DGKB: variants seen among roughly 807,000 people sequenced by gnomAD.
The protein encoded by DGKB is diacylglycerol kinase beta.
A neutral mutation model predicts 114.3 loss-of-function variants in DGKB; 67 were observed. The observed-to-expected ratio is 0.59, with a 90% CI of 0.48 to 0.72. DGKB has a LOEUF of 0.72. Among genes scored for constraint, DGKB ranks in the 30% least tolerant of loss-of-function variants. DGKB has a pLI of 0.00. For missense variants in DGKB, 907 were observed against 975.2 expected (o/e 0.93, Z 0.93); for synonymous variants, 398 against 323.1 (o/e 1.23, Z -2.49).
intron 1 of DGKB, among the ~76,000 whole-genome samples, chr7:14,961,379 A>G (rs1293055178): frequency 3.3e-5 from 5 of 152,068 alleles, no homozygotes; most frequent in Non-Finnish European, 7.4e-5. Flanking sequence ...ATTTAAGCAC[A>G]TATAATTTAG....
chr7:14,684,255 G>A (rs532241211), intron 10 of DGKB, among the ~76,000 whole-genome samples: 2 of 152,162 alleles, frequency 1.3e-5, no homozygotes, highest in East Asian at 3.9e-4. Flanking sequence ...TACCAAAGAA[G>A]CTGCTAGCTA....
At chr7:14,545,589 A>T (rs1051420411) in intron 20 of DGKB, among the ~76,000 whole-genome samples, 4 of 152,324 alleles carry the variant, frequency 2.6e-5, no homozygotes, top group Non-Finnish European at 5.9e-5. Context: ...ACAAGTGACC[A>T]TGGAGCCCAG....
chr7:14,304,808 G>T (rs1374696975), intron 23 of DGKB, among the ~76,000 whole-genome samples: 1 of 152,088 alleles, frequency 6.6e-6, no homozygotes. Flanking sequence ...TAATCCTAAT[G>T]AAAACTATTA....
At chr7:14,583,489 A>G (rs953696645) in intron 17 of DGKB, among the ~76,000 whole-genome samples, 2 of 152,176 alleles carry the variant, frequency 1.3e-5, no homozygotes, top group Non-Finnish European at 2.9e-5. Context: ...CATATACTAC[A>G]TTATTTCATT....
chr7:14,611,266 C>T (rs923467404), intron 16 of DGKB, among the ~76,000 whole-genome samples: 4 of 152,022 alleles, frequency 2.6e-5, no homozygotes, highest in African/African-American at 9.7e-5. Flanking sequence ...TATTTATGTC[C>T]CTGCCTCTCT....
At chr7:14,452,422 C>G (rs1307559843) in intron 21 of DGKB, among the ~76,000 whole-genome samples, 1 of 151,860 alleles carries the variant, frequency 6.6e-6, no homozygotes, top group African/African-American at 2.4e-5. Context: ...TACCTGAGAT[C>G]CTAGAATTGC....
chr7:14,907,071 G>A (rs918361156), upstream of DGKB, among the ~76,000 whole-genome samples: 20 of 152,068 alleles, frequency 1.3e-4, no homozygotes, highest in Admixed American at 3.9e-4. Flanking sequence ...AGTGCCATAC[G>A]GGAGCTTTTC....
chr7:14,867,664 A>G (rs1851880962), intron 1 of DGKB, among the ~76,000 whole-genome samples: 1 of 152,206 alleles, frequency 6.6e-6, no homozygotes, highest in Non-Finnish European at 1.5e-5. Context: ...AAATGTAATT[A>G]ACTCATATAA....
chr7:14,241,941 TATACACACACACATATACAC>T (rs1165309356), intron 23 of DGKB, among the ~76,000 whole-genome samples: 141 of 78,426 alleles, frequency 1.8e-3, no homozygotes, highest in African/African-American at 4.8e-3. Context: ...CATATAGATA[TATACACACACACATATACAC>T]ACACACACAC....
At chr7:14,718,777 A>T in intron 5 of DGKB, 92 bp from the exon 6 acceptor site, 2 of 931,776 alleles carry the variant, frequency 2.1e-6, no homozygotes, top group Non-Finnish European at 3.2e-6. Context: ...CACAGGCTAC[A>T]TAGAAATTTA....
chr7:14,638,575 A>G (rs1811167967), intron 13 of DGKB, among the ~76,000 whole-genome samples: 1 of 152,170 alleles, frequency 6.6e-6, no homozygotes, highest in African/African-American at 2.4e-5. Flanking sequence ...TCTATGACCA[A>G]ATCAAATTAG....
rs73265829 is a variant in DGKB at position 14,372,089 on chromosome 7, A to G, written c.1836-26698T>C. 2.1e-3 allele frequency among the ~76,000 whole-genome samples: 322 copies of G among 152,198 alleles called. 3 individuals carry two copies. The highest frequency in any genetic ancestry group is 7.4e-3 in the African/African-American group (309 of 41,540). On this transcript the variant is annotated intron_variant, in intron 21 of 25. Coordinates refer to ENST00000402815, the MANE Select transcript of DGKB (RefSeq NM_001350709.2). ...TTTCAGCGCCTCCAAGCCTCTCTCC[A>G]AGGCAGTTCCAGTGCTCAGGAGAAA...
intron 4 of DGKB, among the ~76,000 whole-genome samples, chr7:14,751,992 C>G (rs1834194467): frequency 6.6e-6 from 1 of 152,140 alleles, no homozygotes; most frequent in South Asian, 2.1e-4. Context: ...ATTATACATA[C>G]ATTTTAGAAC....
intron 12 of DGKB, among the ~76,000 whole-genome samples, chr7:14,676,381 G>A (rs1819858518): frequency 6.6e-6 from 1 of 152,034 alleles, no homozygotes; most frequent in Admixed American, 6.6e-5. Context: ...GGTGACTACA[G>A]TCAGTAATAA....
chr7:14,309,955 CTATGATATTAAGATTTAAAAT>C (rs944162267), intron 23 of DGKB, among the ~76,000 whole-genome samples: 19 of 152,174 alleles, frequency 1.2e-4, no homozygotes, highest in African/African-American at 4.3e-4. Context: ...AAGCACTCTA[CTATGATATTAAGATTTAAAAT>C]CCTGGCACAT....
At chr7:14,183,225 G>A (rs1341814516) in intron 23 of DGKB, among the ~76,000 whole-genome samples, 1 of 152,282 alleles carries the variant, frequency 6.6e-6, no homozygotes, top group African/African-American at 2.4e-5. Context: ...AGGAACATAT[G>A]AAATCCATTC....
chr7:14,460,142 G>A (rs1416233573), intron 21 of DGKB, among the ~76,000 whole-genome samples: 1 of 152,076 alleles, frequency 6.6e-6, no homozygotes, highest in Non-Finnish European at 1.5e-5. Context: ...CAATGCAAAA[G>A]CATACCAAAT....
At chr7:14,966,773 C>G (rs970943851) in intron 1 of DGKB, among the ~76,000 whole-genome samples, 1 of 151,910 alleles carries the variant, frequency 6.6e-6, no homozygotes, top group Admixed American at 6.6e-5. Context: ...TTTTTGTCAG[C>G]TCAAATATAG....
intron 1 of DGKB, among the ~76,000 whole-genome samples, chr7:14,853,457 A>T (rs934060674): frequency 6.6e-6 from 1 of 151,818 alleles, no homozygotes; most frequent in Non-Finnish European, 1.5e-5. Context: ...TTTCTGCTTG[A>T]TAGAATATTA....
Sources: allele counts gnomAD v4.1 joint callset (sites outside exome capture counted in the v4.1 genomes callset), GRCh38; gene constraint gnomAD v4.1.1; transcripts MANE v1.5; gene names NCBI Gene and HGNC (gene_info 2026-07-23, HGNC 2026-07-21).